NTF3: variants seen among roughly 807,000 people sequenced by gnomAD.
NTF3 encodes neurotrophin 3.
NTF3 carries 8 observed loss-of-function variants against 26.3 expected under a neutral mutation model. That is an observed-to-expected ratio of 0.30 (90% CI 0.18 to 0.55). The LOEUF is 0.55. Among genes scored for constraint, NTF3 ranks in the 20% least tolerant of loss-of-function variants. NTF3 has a pLI of 0.93. For synonymous variants in NTF3, 154 were observed against 145.5 expected, an observed-to-expected ratio of 1.06 and a Z score of -0.42; for missense variants, 276 against 352.9, an observed-to-expected ratio of 0.78 and a Z score of 1.75.
At chr12:5,435,650 T>C (rs1422752004) in intron 1 of NTF3, among the ~76,000 whole-genome samples, 1 of 152,098 alleles carries the variant, frequency 6.6e-6, no homozygotes, top group South Asian at 2.1e-4. Context: ...CCTCTAAGGA[T>C]TGAGTTTCTA....
intron 1 of NTF3, among the ~76,000 whole-genome samples, chr12:5,475,117 A>C (rs944844669): frequency 2.0e-5 from 3 of 152,350 alleles, no homozygotes; most frequent in East Asian, 3.9e-4. Flanking sequence ...TCTACACATC[A>C]GCAGGGTTGA....
rs55994341 is a variant in NTF3, at chr12:5,445,300, A to ATGTG, written c.18+12992_18+12995dup. On this transcript the variant is annotated intron_variant, in intron 1 of 1. Transcript: ENST00000423158. ...CTTGGATTAAATGATGTGTGTGTGT[A>ATGTG]TGTGTGTGTGTGTGTGTGTGTGTGT... Among the ~76,000 whole-genome samples the ATGTG allele has an allele frequency of 5.7e-3, 349 of 60,898 alleles. 3 individuals are homozygous for ATGTG. The highest frequency in any genetic ancestry group is 0.014 in the African/African-American group (339 of 24,196). The allele number at this position is 60,898 out of a possible 152,430, so 40.0% of individuals were successfully genotyped here. A position where few individuals can be genotyped will look rare whatever the true frequency, so the allele number is the denominator to read the frequency against.
chr12:5,445,390 T>G (rs1281417252), intron 1 of NTF3, among the ~76,000 whole-genome samples: 1 of 152,026 alleles, frequency 6.6e-6, no homozygotes, highest in Non-Finnish European at 1.5e-5. Context: ...ACATTTTTTT[T>G]GTCAGTAGTG....
intron 1 of NTF3, among the ~76,000 whole-genome samples, chr12:5,474,897 T>C (rs1356966346): frequency 6.6e-6 from 1 of 152,158 alleles, no homozygotes; most frequent in Non-Finnish European, 1.5e-5. Context: ...TGATTTCTGG[T>C]GCTGCCTTTT....
chr12:5,485,148 C>T (rs1191496949), intron 1 of NTF3, among the ~76,000 whole-genome samples: 1 of 152,216 alleles, frequency 6.6e-6, no homozygotes, highest in East Asian at 1.9e-4. Context: ...ATCCCACTAG[C>T]CCCATATCAC....
At chr12:5,447,806 C>G (rs764833127) in intron 1 of NTF3, among the ~76,000 whole-genome samples, 4 of 152,166 alleles carry the variant, frequency 2.6e-5, no homozygotes, top group Admixed American at 6.5e-5. Context: ...AGGTGTTCCC[C>G]AAACATTGTC....
At position 5,433,196 on chromosome 12, in the gene NTF3, G is replaced by T. The variant is rs940010463; in HGVS notation, c.18+854G>T. The T allele has an allele frequency of 6.6e-6, 1 of 152,202 alleles. No homozygotes were observed. The highest frequency in any genetic ancestry group is 1.5e-5 in the Non-Finnish European group (1 of 68,076). The allele number at this position is 152,202 out of a possible 1,614,324, so 9.4% of individuals were successfully genotyped here. On this transcript the variant is annotated intron_variant, in intron 1 of 1. Transcript: ENST00000423158. This position sits in a 1 kb window ranked among gnomAD's most constrained non-coding sequence, Gnocchi z 4.6. Reference sequence around the variant, plus strand: ...GCTCCGTACGCAGCCCGCACATCTGGGACCCCTCCGGGGAGCGGCGGGCAC... The same window carrying T: ...GCTCCGTACGCAGCCCGCACATCTGTGACCCCTCCGGGGAGCGGCGGGCAC...
At chr12:5,441,875 C>A (rs1940241808) in intron 1 of NTF3, among the ~76,000 whole-genome samples, 1 of 152,210 alleles carries the variant, frequency 6.6e-6, no homozygotes, top group Non-Finnish European at 1.5e-5. Context: ...TTCTTACTCC[C>A]TTTTAGAGAC....
intron 1 of NTF3, among the ~76,000 whole-genome samples, chr12:5,436,042 G>A (rs770176022): frequency 6.6e-6 from 1 of 152,188 alleles, no homozygotes; most frequent in African/African-American, 2.4e-5. Flanking sequence ...CAAAAGAAGG[G>A]CCGTAGACTT....
chr12:5,463,730 A>C (rs1234403615), intron 1 of NTF3, among the ~76,000 whole-genome samples: 1 of 152,196 alleles, frequency 6.6e-6, no homozygotes, highest in Admixed American at 6.5e-5. Context: ...AAATGACCCC[A>C]GTATGGTGTC....
At chr12:5,465,388 C>T (rs992479550) in intron 1 of NTF3, among the ~76,000 whole-genome samples, 3 of 152,186 alleles carry the variant, frequency 2.0e-5, no homozygotes, top group Non-Finnish European at 2.9e-5. Context: ...AGTAACACCA[C>T]GACAACGTGT....
At chr12:5,431,391 G>A (rs1457453231), upstream of NTF3, among the ~76,000 whole-genome samples, 1 of 152,168 alleles carries the variant, frequency 6.6e-6, no homozygotes, top group Non-Finnish European at 1.5e-5. Flanking sequence ...ACACGCGCGC[G>A]CACACACAGC....
chr12:5,479,962 T>A (rs1940767187), intron 1 of NTF3, among the ~76,000 whole-genome samples: 2 of 152,146 alleles, frequency 1.3e-5, no homozygotes, highest in Non-Finnish European at 2.9e-5. Context: ...CTCTATTTGA[T>A]CCCTGGAGCA....
chr12:5,486,558 G>A (rs1321374399), intron 1 of NTF3, among the ~76,000 whole-genome samples: 2 of 152,276 alleles, frequency 1.3e-5, no homozygotes, highest in South Asian at 2.1e-4. Flanking sequence ...TGCAGACAAC[G>A]TATACACTAG....
intron 1 of NTF3, among the ~76,000 whole-genome samples, chr12:5,469,275 G>A (rs1243761059): frequency 6.6e-6 from 1 of 152,160 alleles, no homozygotes; most frequent in African/African-American, 2.4e-5. Flanking sequence ...ATTGAACACT[G>A]AAGTCAGGAG....
At position 5,433,823 on chromosome 12, in the gene NTF3, A is replaced by G. The variant is rs1015755087; in HGVS notation, c.18+1481A>G. Among the ~76,000 whole-genome samples the G allele has an allele frequency of 6.8e-6, 1 of 147,634 alleles. No individual in the cohort carries two copies. The highest frequency in any genetic ancestry group is 1.5e-5 in the Non-Finnish European group (1 of 66,978). The stretch of plus-strand genomic sequence containing the variant: ...AGACTGTGCGCCTGTGGACTTGTTT[A>G]TGTGTGTGAAGAGGCGGGGGCGAGG... On this transcript the variant is annotated intron_variant, in intron 1 of 1. Coordinates refer to ENST00000423158, the MANE Select transcript of NTF3 (RefSeq NM_001102654.2). The surrounding 1 kb of genome is among the most constrained non-coding windows in gnomAD (Gnocchi z 4.6).
chr12:5,454,972 C>T (rs1940420653), intron 1 of NTF3, among the ~76,000 whole-genome samples: 1 of 152,312 alleles, frequency 6.6e-6, no homozygotes. Flanking sequence ...CTTCTCCAGG[C>T]CTCAGTTTCT....
In NTF3 at chr12:5,456,638, G is replaced by A. The variant is rs944503773; in HGVS notation, c.18+24296G>A. On this transcript the variant is annotated intron_variant, in intron 1 of 1. Coordinates refer to ENST00000423158, the MANE Select transcript of NTF3 (RefSeq NM_001102654.2). The surrounding 1 kb of genome is among the most constrained non-coding windows in gnomAD (Gnocchi z 4.4). ...ACCCCCACCCCCAGCCCCTGGAGCA[G>A]GTACTCGGGGTCAGAGCTCTGCTGA... 2.0e-5 allele frequency among the ~76,000 whole-genome samples: 3 copies of A among 152,066 alleles called. No individual in the cohort carries two copies. The highest frequency in any genetic ancestry group is 7.2e-5 in the African/African-American group (3 of 41,424).
Position 5,494,110 on chromosome 12 carries a change from C to A in NTF3, c.19-84C>A. The A allele has an allele frequency of 7.3e-7, 1 of 1,361,392 alleles. No individual in the cohort carries two copies. The highest frequency in any genetic ancestry group is 1.0e-6 in the Non-Finnish European group (1 of 982,998). The allele number at this position is 1,361,392 out of a possible 1,614,324, so 84.3% of individuals were successfully genotyped here. A position where few individuals can be genotyped will look rare whatever the true frequency, so the allele number is the denominator to read the frequency against. ...TACCCTCTCTCGTGCCCTCACAGGG[C>A]TACTCAGCCTCAGGTAGCTGGTGCC... is the stretch of plus-strand genomic sequence containing the variant. On this transcript the variant is annotated intron_variant, in intron 1 of 1. Coordinates refer to ENST00000423158, the MANE Select transcript of NTF3 (RefSeq NM_001102654.2). This position sits in a 1 kb window ranked among gnomAD's most constrained non-coding sequence, Gnocchi z 8.3.
Sources: gnomAD v4.1 joint callset for allele counts (sites outside exome capture counted in the v4.1 genomes callset) on GRCh38, gnomAD v4.1.1 for gene constraint, Gnocchi (gnomAD v3.1) non-coding constraint, MANE v1.5 for transcripts, NCBI Gene and HGNC (gene_info 2026-07-23, HGNC 2026-07-21) for gene names.